The following ANKRD28 variants were observed in gnomAD, a reference collection of about 807,000 sequenced individuals.
ANKRD28 encodes serine/threonine-protein phosphatase 6 regulatory ankyrin repeat subunit A.
In ANKRD28, 44 loss-of-function variants were observed where a neutral mutation model predicts 126.5. That is an observed-to-expected ratio of 0.35 (90% CI 0.27 to 0.45). ANKRD28 has a LOEUF of 0.45. Ranked by LOEUF, ANKRD28 falls within the 20% of genes least tolerant of loss-of-function variation. The pLI is 1.00. For missense variants in ANKRD28, 1,110 were observed against 1,316.6 expected (o/e 0.84, Z 2.43); for synonymous variants, 442 against 468.5 (o/e 0.94, Z 0.73).
intron 4 of ANKRD28, 107 bp downstream of exon 4, chr3:15,751,643 T>G: frequency 1.3e-6 from 1 of 749,134 alleles, no homozygotes. Flanking sequence ...TCAAGGTATC[T>G]CAGTAGCTTT....
At chr3:15,681,948 A>G (rs2067590159) in intron 21 of ANKRD28, among the ~76,000 whole-genome samples, 1 of 152,142 alleles carries the variant, frequency 6.6e-6, no homozygotes, top group African/African-American at 2.4e-5. Flanking sequence ...AACTCCTTTA[A>G]TGCCATCGTT....
intron 1 of ANKRD28, chr3:15,859,238 C>T: frequency 1.5e-6 from 2 of 1,298,244 alleles, no homozygotes; most frequent in Non-Finnish European, 2.0e-6. Flanking sequence ...CGCCGTCTCG[C>T]GCAGGTCCCC....
chr3:15,827,844 C>A (rs68115330), intron 1 of ANKRD28, among the ~76,000 whole-genome samples: 20,871 of 152,038 alleles, frequency 0.14, 2,152 homozygotes, highest in East Asian at 0.58. Context: ...ACAAATCTGA[C>A]AAGGGATTAA....
At chr3:15,712,061 T>TA (rs2072365312) in intron 11 of ANKRD28, 79 bp downstream of exon 11, 2 of 1,131,940 alleles carry the variant, frequency 1.8e-6, no homozygotes, top group African/African-American at 1.5e-5. Flanking sequence ...CATTAATTTT[T>TA]AAAAAGCAGG....
intron 1 of ANKRD28, among the ~76,000 whole-genome samples, chr3:15,825,932 T>C (rs2061055316): frequency 6.6e-6 from 1 of 152,148 alleles, no homozygotes; most frequent in Non-Finnish European, 1.5e-5. Flanking sequence ...AAAGTCAAAC[T>C]AAAATAATTA....
chr3:15,836,152 A>G (rs2061322009), intron 1 of ANKRD28, among the ~76,000 whole-genome samples: 1 of 152,142 alleles, frequency 6.6e-6, no homozygotes, highest in Admixed American at 6.5e-5. Context: ...CATTAATATA[A>G]AAGACTATAA....
At chr3:15,742,404 T>A (rs1223816184) in intron 4 of ANKRD28, among the ~76,000 whole-genome samples, 1 of 140,808 alleles carries the variant, frequency 7.1e-6, no homozygotes, top group African/African-American at 2.7e-5. Context: ...GTCTGGGATG[T>A]GAGAAGCGCC....
intron 1 of ANKRD28, among the ~76,000 whole-genome samples, chr3:15,832,586 A>G (rs2061229512): frequency 6.6e-6 from 1 of 152,230 alleles, no homozygotes; most frequent in Non-Finnish European, 1.5e-5. Context: ...ACTGTATCCA[A>G]CAGGTGATTT....
At chr3:15,762,408 G>A (rs1467398265) in intron 3 of ANKRD28, among the ~76,000 whole-genome samples, 1 of 152,000 alleles carries the variant, frequency 6.6e-6, no homozygotes, top group Non-Finnish European at 1.5e-5. Flanking sequence ...CCTCAGGGGA[G>A]CAAATACCTA....
intron 1 of ANKRD28, among the ~76,000 whole-genome samples, chr3:15,836,477 C>A (rs1290936491): frequency 1.3e-5 from 2 of 151,944 alleles, no homozygotes; most frequent in East Asian, 3.9e-4. Flanking sequence ...CAAATCCAAC[C>A]ATTTCAAAAG....
intron 14 of ANKRD28, among the ~76,000 whole-genome samples, chr3:15,705,463 C>G (rs928779117): frequency 2.6e-5 from 4 of 152,038 alleles, no homozygotes; most frequent in Non-Finnish European, 4.4e-5. Context: ...TACCCAATAA[C>G]CAGTCTGTGA....
chr3:15,783,622 C>G (rs748220192), intron 2 of ANKRD28, among the ~76,000 whole-genome samples: 1 of 151,750 alleles, frequency 6.6e-6, no homozygotes, highest in African/African-American at 2.4e-5. Context: ...TAAATGTTTA[C>G]GAAAGGAGTG....
At position 15,833,434 on chromosome 3, in the gene ANKRD28, A is replaced by G. The variant is rs2061248439; in HGVS notation, c.27+25943T>C. ...CAGCTGGCAGATGCCCTACTGTGGG[A>G]CCTTGTGATCATGTGAGTTAATACT... On this transcript the variant is annotated intron_variant, in intron 1 of 27. Coordinates refer to the ANKRD28 transcript ENST00000399451. The surrounding 1 kb of genome is among the most constrained non-coding windows in gnomAD (Gnocchi z 4.4). Among the ~76,000 whole-genome samples, 1 of 151,328 alleles carries G rather than the reference A, an allele frequency of 6.6e-6. No individual in the cohort carries two copies. Among genetic ancestry groups the G allele is most frequent in the African/African-American group, 2.4e-5 (1 of 41,192 alleles).
At chr3:15,832,494 G>A (rs1222880115) in intron 1 of ANKRD28, among the ~76,000 whole-genome samples, 1 of 152,132 alleles carries the variant, frequency 6.6e-6, no homozygotes. Flanking sequence ...AAATTTAGGG[G>A]ATACACTGCA....
rs978669327 is a variant in ANKRD28, at chr3:15,815,191, A to G, written c.28-19885T>C. Among the ~76,000 whole-genome samples, 9 of 152,168 alleles carry G rather than the reference A, an allele frequency of 5.9e-5. No individual in the cohort carries two copies. The highest frequency in any genetic ancestry group is 2.2e-4 in the African/African-American group (9 of 41,456). On this transcript the variant is annotated intron_variant, in intron 1 of 27. Coordinates refer to the ANKRD28 transcript ENST00000399451. The surrounding 1 kb of genome is among the most constrained non-coding windows in gnomAD (Gnocchi z 4.1). ...AATTTTAGTGAAATGGCTTGTCTTCACATAAATAAAATTAGGCCTAAAAAA... is the reference window on the plus strand; with the variant it reads ...AATTTTAGTGAAATGGCTTGTCTTCGCATAAATAAAATTAGGCCTAAAAAA...
At chr3:15,857,919 A>C (rs1559605201) in intron 1 of ANKRD28, among the ~76,000 whole-genome samples, 1 of 152,238 alleles carries the variant, frequency 6.6e-6, no homozygotes, top group African/African-American at 2.4e-5. Flanking sequence ...GTGCCATTTG[A>C]CTGGTAAAGG....
At chr3:15,832,551 T>C (rs2061228657) in intron 1 of ANKRD28, among the ~76,000 whole-genome samples, 1 of 152,210 alleles carries the variant, frequency 6.6e-6, no homozygotes, top group Admixed American at 6.5e-5. Context: ...GCGCTTTTAG[T>C]GTAGAGATCA....
chr3:15,706,993 A>C (rs1466508071), intron 14 of ANKRD28, among the ~76,000 whole-genome samples: 4 of 152,232 alleles, frequency 2.6e-5, no homozygotes, highest in Non-Finnish European at 5.9e-5. Flanking sequence ...GTTACTTATA[A>C]AAATGGTTTT....
At chr3:15,848,487 C>CCCA (rs1266712874) in intron 1 of ANKRD28, among the ~76,000 whole-genome samples, 2 of 151,998 alleles carry the variant, frequency 1.3e-5, no homozygotes, top group Non-Finnish European at 2.9e-5. Flanking sequence ...CCAGCCTGGG[C>CCCA]AACAGAGGGA....
Sources: allele counts gnomAD v4.1 joint callset (sites outside exome capture counted in the v4.1 genomes callset), GRCh38; gene constraint gnomAD v4.1.1; non-coding constraint Gnocchi (gnomAD v3.1); transcripts MANE v1.5; gene names NCBI Gene and HGNC (gene_info 2026-07-23, HGNC 2026-07-21).